Variants in ST6GAL1 observed in about 807,000 individuals in gnomAD.
ST6GAL1 encodes ST6 beta-galactoside alpha-2,6-sialyltransferase 1.
Under a neutral mutation model 38.0 loss-of-function variants are expected in ST6GAL1, and 20 were observed. The observed-to-expected ratio is 0.53, with a 90% confidence interval of 0.37 to 0.77. ST6GAL1 has a LOEUF of 0.77. ST6GAL1 is among the 30% of genes least tolerant of loss of function. ST6GAL1 has a pLI of 0.00. For synonymous variants in ST6GAL1, 196 were observed against 188.2 expected, an observed-to-expected ratio of 1.04 and a Z score of -0.34; for missense variants, 432 against 496.4, an observed-to-expected ratio of 0.87 and a Z score of 1.23.
intron 2 of ST6GAL1, among the ~76,000 whole-genome samples, chr3:186,965,298 A>G (rs1715067615): frequency 6.6e-6 from 1 of 152,234 alleles, no homozygotes; most frequent in South Asian, 2.1e-4. Flanking sequence ...TTGACTCATA[A>G]TCTCTAATGC....
At chr3:186,971,164 C>T (rs951869634) in intron 2 of ST6GAL1, among the ~76,000 whole-genome samples, 4 of 152,268 alleles carry the variant, frequency 2.6e-5, no homozygotes, top group Non-Finnish European at 5.9e-5. Flanking sequence ...TCTTGGCTCA[C>T]TGCAACCTCC....
chr3:187,077,118 T>G lies in ST6GAL1; in HGVS notation c.*1315T>G. 1 of 398,000 alleles carries G rather than the reference T, an allele frequency of 2.5e-6. No homozygotes were observed. The highest frequency in any genetic ancestry group is 4.4e-6 in the Non-Finnish European group (1 of 225,904). The allele number at this position is 398,000 out of a possible 1,614,324, so 24.7% of individuals were successfully genotyped here. On this transcript the variant is annotated 3_prime_UTR_variant, in exon 8 of 8. Transcript: ENST00000169298. ...ACGTCACTCTCAGAGGTCAGAACCT[T>G]GGAGATCAGAACTGATTCTCACCAG...
At chr3:187,034,867 C>A (rs1200912437) in intron 2 of ST6GAL1, among the ~76,000 whole-genome samples, 2 of 152,182 alleles carry the variant, frequency 1.3e-5, no homozygotes, top group Non-Finnish European at 2.9e-5. Flanking sequence ...CCCACTCTCA[C>A]CACTTCTATT....
chr3:186,958,318 G>A (rs1210253865), intron 1 of ST6GAL1, among the ~76,000 whole-genome samples: 1 of 152,142 alleles, frequency 6.6e-6, no homozygotes, highest in Non-Finnish European at 1.5e-5. Context: ...ACAAAATAAT[G>A]TAACTTAATA....
intron 5 of ST6GAL1, 199 bp downstream of exon 5, chr3:187,051,545 T>A (rs1178715054): frequency 1.9e-6 from 1 of 538,682 alleles, no homozygotes; most frequent in Non-Finnish European, 3.3e-6. Flanking sequence ...AAAAACCCTT[T>A]AGTATTAGTG....
chr3:187,003,655 A>G (rs1716693030), intron 2 of ST6GAL1, among the ~76,000 whole-genome samples: 1 of 152,214 alleles, frequency 6.6e-6, no homozygotes, highest in African/African-American at 2.4e-5. Context: ...ACAGTATATA[A>G]GATATATTTT....
At chr3:187,043,411 C>T (rs1718196291) in intron 4 of ST6GAL1, 101 bp downstream of exon 4, 2 of 1,500,784 alleles carry the variant, frequency 1.3e-6, no homozygotes, top group Middle Eastern at 2.5e-4. Flanking sequence ...CTCAGCGGAC[C>T]AGTGGAGTGG....
intron 4 of ST6GAL1, among the ~76,000 whole-genome samples, chr3:187,046,615 G>A (rs1269567520): frequency 6.6e-6 from 1 of 152,214 alleles, no homozygotes; most frequent in African/African-American, 2.4e-5. Flanking sequence ...GGAAGGCAAA[G>A]GGGGATGGAG....
At position 187,075,563 on chromosome 3, in the gene ST6GAL1, TATC is replaced by T. The variant is rs763963559; in HGVS notation, c.990_992del (p.Ile330del). 3 of 1,614,034 alleles carry T rather than the reference TATC, an allele frequency of 1.9e-6. No homozygotes were observed. Among genetic ancestry groups the T allele is most frequent in the Non-Finnish European group, 2.5e-6 (3 of 1,179,920 alleles). ...ACTCACCTCTGCTCCCCTCTCCAGG[TATC>T]ATCATCATGATGACGCTGTGTGACC... On this transcript the variant is annotated inframe_deletion and splice_region_variant, in exon 8 of 8. Transcript: ENST00000169298. This position sits in a 1 kb window ranked among gnomAD's most constrained non-coding sequence, Gnocchi z 4.1.
chr3:186,997,095 A>C (rs2108550055), intron 2 of ST6GAL1, among the ~76,000 whole-genome samples: 1 of 152,130 alleles, frequency 6.6e-6, no homozygotes, highest in South Asian at 2.1e-4. Context: ...GAGACATGAG[A>C]CATGGAAAAT....
At chr3:187,073,075 G>C in intron 6 of ST6GAL1, 128 bp downstream of exon 6, 1 of 680,680 alleles carries the variant, frequency 1.5e-6, no homozygotes, top group Admixed American at 2.6e-5. Flanking sequence ...TGAGTTTTAG[G>C]GTACCCCATT....
chr3:187,055,705 TGAG>T (rs1213799647), intron 5 of ST6GAL1, among the ~76,000 whole-genome samples: 1 of 152,232 alleles, frequency 6.6e-6, no homozygotes, highest in African/African-American at 2.4e-5. Context: ...TTATGTTTGC[TGAG>T]GAGTGCTTTA....
chr3:187,006,220 G>A (rs1716782117), intron 2 of ST6GAL1: 1 of 152,152 alleles, frequency 6.6e-6, no homozygotes, highest in Non-Finnish European at 1.5e-5. Flanking sequence ...GCTCCTTGTA[G>A]ATAGACCAGT....
chr3:187,035,218 G>A (rs1330898038), intron 2 of ST6GAL1, among the ~76,000 whole-genome samples: 6 of 152,200 alleles, frequency 3.9e-5, no homozygotes, highest in Admixed American at 2.6e-4. Context: ...TCTCTCCAAG[G>A]AGAACTACAA....
intron 2 of ST6GAL1, among the ~76,000 whole-genome samples, chr3:187,034,383 G>T (rs1158907138): frequency 6.6e-6 from 1 of 152,142 alleles, no homozygotes; most frequent in Non-Finnish European, 1.5e-5. Flanking sequence ...GAGGCAGACA[G>T]ATCCCTCTCT....
chr3:187,018,187 G>GT (rs1210035410), intron 2 of ST6GAL1, among the ~76,000 whole-genome samples: 1 of 152,032 alleles, frequency 6.6e-6, no homozygotes, highest in Non-Finnish European at 1.5e-5. Context: ...ATTTTACATT[G>GT]TTTTTTTCCT....
intron 4 of ST6GAL1, among the ~76,000 whole-genome samples, chr3:187,046,588 G>C (rs1718305433): frequency 6.6e-6 from 1 of 152,198 alleles, no homozygotes; most frequent in Non-Finnish European, 1.5e-5. Flanking sequence ...AGGAGAACTA[G>C]GTGTGCACCA....
intron 1 of ST6GAL1, among the ~76,000 whole-genome samples, chr3:186,960,038 G>A (rs1714882492): frequency 6.6e-6 from 1 of 152,152 alleles, no homozygotes; most frequent in South Asian, 2.1e-4. Context: ...CTGCTTTGAG[G>A]GGCTGGGCCA....
chr3:187,067,108 G>T (rs3055153), intron 5 of ST6GAL1, among the ~76,000 whole-genome samples: 87,841 of 101,072 alleles, frequency 0.87, 38,287 homozygotes, highest in South Asian at 0.93. Flanking sequence ...TTTTTTTTTT[G>T]GAGACAGAGT....
Sources: allele counts gnomAD v4.1 joint callset (sites outside exome capture counted in the v4.1 genomes callset), GRCh38; gene constraint gnomAD v4.1.1; non-coding constraint Gnocchi (gnomAD v3.1); transcripts MANE v1.5; gene names NCBI Gene and HGNC (gene_info 2026-07-23, HGNC 2026-07-21).